The following PTPRM variants were observed in gnomAD, a reference collection of about 807,000 sequenced individuals.
PTPRM encodes protein tyrosine phosphatase receptor type M, also known as receptor-type tyrosine-protein phosphatase mu.
In PTPRM, 47 loss-of-function variants were observed where a neutral mutation model predicts 186.7. The ratio of observed to expected loss-of-function variants is 0.25; its 90% CI spans 0.20 to 0.32. The LOEUF is 0.32. PTPRM is among the 10% of genes least tolerant of loss of function. PTPRM has a pLI of 1.00. For missense variants in PTPRM, 1,494 were observed against 1,865.0 expected (o/e 0.80, Z 3.66); for synonymous variants, 668 against 674.9 (o/e 0.99, Z 0.16).
At chr18:8,303,008 T>C (rs143379555) in intron 20 of PTPRM, among the ~76,000 whole-genome samples, 1 of 152,184 alleles carries the variant, frequency 6.6e-6, no homozygotes, top group East Asian at 1.9e-4. Context: ...GGCTGGATTA[T>C]AAATCAGTGA....
intron 3 of PTPRM, among the ~76,000 whole-genome samples, chr18:7,901,810 A>G (rs2146505182): frequency 6.6e-6 from 1 of 152,346 alleles, no homozygotes; most frequent in African/African-American, 2.4e-5. Context: ...ATTTCACAAT[A>G]GGAAACTCTC....
chr18:7,925,739 C>T (rs987532416), intron 4 of PTPRM, among the ~76,000 whole-genome samples: 2 of 152,148 alleles, frequency 1.3e-5, no homozygotes, highest in Non-Finnish European at 2.9e-5. Context: ...TTCACTCTAT[C>T]ATTGTTATAA....
chr18:8,092,686 G>C (rs1044475039), intron 11 of PTPRM, among the ~76,000 whole-genome samples: 1 of 152,094 alleles, frequency 6.6e-6, no homozygotes, highest in Non-Finnish European at 1.5e-5. Flanking sequence ...GCCAGAGAGA[G>C]ATTATTATTG....
chr18:7,879,911 A>G lies in PTPRM; in HGVS notation c.197-8195A>G, dbSNP rs1015367860. ...CTGAGGCTCGGTATTTAAAGGAAAG[A>G]GGTTTAATTGACTCACTGTTCCGCG... On this transcript the variant is annotated intron_variant, in intron 2 of 32. Coordinates refer to ENST00000580170, the MANE Select transcript of PTPRM (RefSeq NM_001105244.2). 3.0e-4 allele frequency among the ~76,000 whole-genome samples: 45 copies of G among 152,310 alleles called. 1 individual carries two copies. The East Asian group carries it at 5.2e-3, about 18-fold the overall frequency.
At chr18:7,948,625 G>C (rs1440552672) in intron 5 of PTPRM, among the ~76,000 whole-genome samples, 3 of 152,170 alleles carry the variant, frequency 2.0e-5, no homozygotes, top group African/African-American at 7.2e-5. Context: ...ATAGTTACTA[G>C]GCACCTAATT....
intron 6 of PTPRM, among the ~76,000 whole-genome samples, chr18:7,949,936 G>T (rs913471377): frequency 6.6e-6 from 1 of 152,094 alleles, no homozygotes; most frequent in African/African-American, 2.4e-5. Context: ...GGTTTAATGG[G>T]TTTTTTGTAG....
chr18:8,078,866 G>A (rs938272982), intron 9 of PTPRM, among the ~76,000 whole-genome samples: 1 of 152,128 alleles, frequency 6.6e-6, no homozygotes, highest in African/African-American at 2.4e-5. Context: ...TGAACTCAGA[G>A]CAAGAATTCA....
chr18:7,879,887 T>C (rs2048417726), intron 2 of PTPRM, among the ~76,000 whole-genome samples: 1 of 152,162 alleles, frequency 6.6e-6, no homozygotes, highest in African/African-American at 2.4e-5. Flanking sequence ...AAGAAACACC[T>C]GAGGCTCGGT....
Position 8,387,141 on chromosome 18 carries a change from G to A in PTPRM, c.4114G>A (p.Val1372Met). The A allele has an allele frequency of 6.2e-7, 1 of 1,612,324 alleles. No individual in the cohort carries two copies. Reference sequence around the variant, plus strand: ...CTGGCCGATGTACAGGGACACACCAGTGTCTAAGCGCTCCTTCTTGAAGCT... The same window carrying A: ...CTGGCCGATGTACAGGGACACACCAATGTCTAAGCGCTCCTTCTTGAAGCT... ...LGWPMYRDTP[V>M]SKRSFLKLIR... The change falls in exon 31 of 33, where the codon GTG becomes ATG. Residue 1372 changes from valine (V) to methionine (M), a missense_variant. Val to Met is a conservative substitution (Grantham distance 21). Around this residue, in one of 3 missense-constraint regions of PTPRM, gnomAD observed 1,107 missense variants for 1,350.2 expected, o/e 0.82. Coordinates refer to ENST00000580170, the MANE Select transcript of PTPRM (RefSeq NM_001105244.2).
chr18:8,378,360 C>G lies in PTPRM; in HGVS notation c.3558C>G (p.Asp1186Glu), dbSNP rs1473518832. 6.2e-7 allele frequency: 1 copy of G among 1,614,068 alleles called. No homozygotes were observed. Among genetic ancestry groups the G allele is most frequent in the Non-Finnish European group, 8.5e-7 (1 of 1,179,922 alleles). Residue 1186 changes from aspartate to glutamate, a missense_variant, in exon 27 of 33, where the codon GAC (aspartate) becomes GAG (glutamate). Around this residue, in one of 3 missense-constraint regions of PTPRM, gnomAD observed 1,107 missense variants for 1,350.2 expected, o/e 0.82. Coordinates refer to ENST00000580170, the MANE Select transcript of PTPRM (RefSeq NM_001105244.2). ...CCCAAGTTAGGTCTCTGTATTATGA[C>G]ATGAACAAACTGGATCCACAGACAA... Reference protein sequence around the residue: ...PASQVRSLYYDMNKLDPQTNS... With the variant: ...PASQVRSLYYEMNKLDPQTNS...
At chr18:8,186,739 A>G (rs867613001) in intron 14 of PTPRM, among the ~76,000 whole-genome samples, 29 of 152,176 alleles carry the variant, frequency 1.9e-4, no homozygotes, top group African/African-American at 6.8e-4. Context: ...GACATGGGGG[A>G]AACTGAGGCA....
intron 14 of PTPRM, among the ~76,000 whole-genome samples, chr18:8,182,474 A>T (rs1344217395): frequency 6.6e-6 from 1 of 152,242 alleles, no homozygotes. Context: ...GTGACCTGTC[A>T]TGAATGTCAC....
At chr18:8,240,426 A>C (rs540116857) in intron 14 of PTPRM, among the ~76,000 whole-genome samples, 80 of 135,788 alleles carry the variant, frequency 5.9e-4, no homozygotes, top group Non-Finnish European at 1.1e-3. Flanking sequence ...ACAGAGCAAG[A>C]CTCTGTCTCA....
chr18:7,810,404 A>C (rs2044449585), intron 2 of PTPRM, among the ~76,000 whole-genome samples: 1 of 152,242 alleles, frequency 6.6e-6, no homozygotes, highest in African/African-American at 2.4e-5. Context: ...GGGGATGCAA[A>C]TTACTTGAAG....
chr18:7,906,454 T>C (rs745972144), intron 3 of PTPRM, 51 bp from the exon 4 acceptor site: 1 of 1,441,044 alleles, frequency 6.9e-7, no homozygotes, highest in Admixed American at 1.7e-5. Flanking sequence ...AGATACTTGG[T>C]AAAAGTAAGA....
chr18:7,707,727 A>AGAGAAGCAGATAGAGTGG (rs748308896), intron 1 of PTPRM, among the ~76,000 whole-genome samples: 3 of 152,226 alleles, frequency 2.0e-5, no homozygotes, highest in Non-Finnish European at 4.4e-5. Context: ...GAGTTTAGGG[A>AGAGAAGCAGATAGAGTGG]GAGAAGCAGA....
intron 2 of PTPRM, among the ~76,000 whole-genome samples, chr18:7,817,420 A>G (rs1013246760): frequency 5.9e-5 from 9 of 152,212 alleles, no homozygotes; most frequent in Admixed American, 2.6e-4. Context: ...ATTATGTGTA[A>G]TAAGTTGATA....
At chr18:8,213,902 T>G (rs2094041962) in intron 14 of PTPRM, among the ~76,000 whole-genome samples, 1 of 152,124 alleles carries the variant, frequency 6.6e-6, no homozygotes, top group Non-Finnish European at 1.5e-5. Flanking sequence ...ATAGAAATAT[T>G]TATATACCAT....
At chr18:7,922,760 T>G (rs1259732842) in intron 4 of PTPRM, among the ~76,000 whole-genome samples, 1 of 152,014 alleles carries the variant, frequency 6.6e-6, no homozygotes, top group East Asian at 1.9e-4. Context: ...CAAAAATGCA[T>G]GTATTTTTTA....
Sources: allele counts gnomAD v4.1 joint callset (sites outside exome capture counted in the v4.1 genomes callset), GRCh38; gene constraint gnomAD v4.1.1; regional missense constraint gnomAD v4.1.1; transcripts MANE v1.5; gene names NCBI Gene and HGNC (gene_info 2026-07-23, HGNC 2026-07-21).